The following ABCA12 variants were observed in gnomAD, a reference collection of about 807,000 sequenced individuals.
ABCA12 encodes the protein ATP binding cassette subfamily A member 12.
Under a neutral mutation model 293.5 loss-of-function variants are expected in ABCA12, and 156 were observed. The ratio of observed to expected loss-of-function variants is 0.53; its 90% CI spans 0.47 to 0.61. ABCA12 has a LOEUF of 0.61. Ranked by LOEUF, ABCA12 falls within the 20% of genes least tolerant of loss-of-function variation. The pLI is 0.00. For missense variants in ABCA12, 2,797 were observed against 3,090.2 expected (o/e 0.91, Z 2.25); for synonymous variants, 1,063 against 1,108.0 (o/e 0.96, Z 0.81).
intron 1 of ABCA12, among the ~76,000 whole-genome samples, chr2:215,124,968 A>T (rs569087495): frequency 2.0e-5 from 3 of 152,184 alleles, no homozygotes; most frequent in East Asian, 3.9e-4. Flanking sequence ...ATCCACCTTG[A>T]GTTGATTTTT....
chr2:215,031,369 C>T (rs4672743), intron 9 of ABCA12, among the ~76,000 whole-genome samples: 11,149 of 152,194 alleles, frequency 0.073, 602 homozygotes, highest in Admixed American at 0.16. Context: ...TCCCGAAATT[C>T]GTATGTTGAA....
chr2:215,084,477 G>T (rs13414595), intron 2 of ABCA12, among the ~76,000 whole-genome samples: 66,888 of 151,970 alleles, frequency 0.44, 16,372 homozygotes, highest in South Asian at 0.61. Context: ...CAAATCCAAA[G>T]ATATAAAACT....
At position 215,126,582 on chromosome 2, in the gene ABCA12, G is replaced by A. The variant is rs1478876569; in HGVS notation, c.69+11558C>T. ...ATCTCTTCTAGGTTTTCTAGTTTAT[G>A]TGCAGAAAGGTGTTCATAGTAGCCT... On this transcript the variant is annotated intron_variant, in intron 1 of 52. Coordinates refer to ENST00000272895, the MANE Select transcript of ABCA12 (RefSeq NM_173076.3). 2.6e-5 allele frequency among the ~76,000 whole-genome samples: 4 copies of A among 152,054 alleles called. No homozygotes were observed. In the East Asian group the frequency reaches 7.7e-4, roughly 29 times the overall value.
At chr2:214,966,174 G>A (rs557041894) in intron 39 of ABCA12, among the ~76,000 whole-genome samples, 1 of 152,308 alleles carries the variant, frequency 6.6e-6, no homozygotes, top group Admixed American at 6.5e-5. Context: ...TTATAAGTGG[G>A]AGCTGAATGG....
At chr2:214,989,011 T>C (rs1405916116) in intron 26 of ABCA12, among the ~76,000 whole-genome samples, 1 of 150,592 alleles carries the variant, frequency 6.6e-6, no homozygotes, top group Non-Finnish European at 1.5e-5. Flanking sequence ...AAACCCCGGC[T>C]CTATTAAAAA....
intron 23 of ABCA12, among the ~76,000 whole-genome samples, chr2:214,991,588 C>A (rs1480130645): frequency 6.6e-6 from 1 of 152,116 alleles, no homozygotes; most frequent in Non-Finnish European, 1.5e-5. Flanking sequence ...TTAAGGGAGA[C>A]CTCCTGCCTT....
At chr2:214,988,215 G>T (rs6744049) in intron 26 of ABCA12, among the ~76,000 whole-genome samples, 2,075 of 152,162 alleles carry the variant, frequency 0.014, 36 homozygotes, top group African/African-American at 0.047. Context: ...GGATAATTTT[G>T]CCACTTAGAA....
At chr2:215,111,570 G>T in intron 2 of ABCA12, 27 bp downstream of exon 2, 2 of 1,550,788 alleles carry the variant, frequency 1.3e-6, no homozygotes, top group Non-Finnish European at 1.8e-6. Context: ...CAAAAATTAA[G>T]GAAATAAACA....
intron 5 of ABCA12, among the ~76,000 whole-genome samples, chr2:215,052,188 C>T (rs994066215): frequency 6.6e-6 from 1 of 151,904 alleles, no homozygotes; most frequent in Admixed American, 6.6e-5. Context: ...TTTTTTCTTT[C>T]CTGCTTCAGA....
intron 50 of ABCA12, among the ~76,000 whole-genome samples, chr2:214,939,802 A>C (rs559016776): frequency 6.6e-6 from 1 of 152,174 alleles, no homozygotes; most frequent in African/African-American, 2.4e-5. Flanking sequence ...TGATTCTTGC[A>C]CATTGATTTT....
At chr2:214,999,025 A>C (rs1161662609) in intron 22 of ABCA12, among the ~76,000 whole-genome samples, 1 of 152,196 alleles carries the variant, frequency 6.6e-6, no homozygotes, top group Admixed American at 6.5e-5. Flanking sequence ...ACTATCATTC[A>C]GTATCACTTT....
intron 2 of ABCA12, among the ~76,000 whole-genome samples, chr2:215,084,034 G>A (rs1701992545): frequency 6.6e-6 from 1 of 151,958 alleles, no homozygotes; most frequent in Non-Finnish European, 1.5e-5. Context: ...CTGGAGTACA[G>A]TGACATGATC....
intron 6 of ABCA12, among the ~76,000 whole-genome samples, chr2:215,048,823 A>T (rs1445049669): frequency 6.6e-6 from 1 of 152,248 alleles, no homozygotes; most frequent in Non-Finnish European, 1.5e-5. Flanking sequence ...CTATGCAGCC[A>T]TAACAAAGAA....
At chr2:215,106,718 T>C (rs899438446) in intron 2 of ABCA12, among the ~76,000 whole-genome samples, 4 of 145,006 alleles carry the variant, frequency 2.8e-5, no homozygotes, top group African/African-American at 1.0e-4. Flanking sequence ...CTTGTATGCA[T>C]CCCTGAAGAT....
chr2:214,983,707 A>G lies in ABCA12; in HGVS notation c.4322T>C (p.Leu1441Pro). 1 of 1,614,126 alleles carries G rather than the reference A, an allele frequency of 6.2e-7. No homozygotes were observed. Among genetic ancestry groups the G allele is most frequent in the South Asian group, 1.1e-5 (1 of 91,084 alleles). ...GTGAGGAACTTTGATGGAACCATAT[A>G]GGAGAAGGTGCTCCTTAGTAGTGAG... ...SYLTTKEHLL[L>P]YGSIKVPHWT... Residue 1441 changes from leucine to proline, a missense_variant, in exon 29 of 53, where the codon CTA becomes CCA. By Grantham distance (98) the Leu-to-Pro change is moderately conservative. Transcript: ENST00000272895.
rs753712967 is a variant in ABCA12, at chr2:215,138,124, CT to C, written c.69+15del. ...TTGCCCCATGACCCATACTCCCACA[CT>C]TTTTTTTAACTCACCGGCTGCCTTT... On this transcript the variant is annotated intron_variant, in intron 1 of 52. Coordinates refer to ENST00000272895, the MANE Select transcript of ABCA12 (RefSeq NM_173076.3). 18 of 1,610,852 alleles carry C rather than the reference CT, an allele frequency of 1.1e-5. No homozygotes were observed. Among genetic ancestry groups the C allele is most frequent in the Non-Finnish European group, 1.4e-5 (17 of 1,177,460 alleles).
At chr2:214,933,892 A>G (rs1698139541) in intron 52 of ABCA12, among the ~76,000 whole-genome samples, 186 bp downstream of exon 52, 1 of 152,158 alleles carries the variant, frequency 6.6e-6, no homozygotes, top group Non-Finnish European at 1.5e-5. Context: ...TGTCTTTCAC[A>G]TCTATTTTTT....
chr2:215,011,401 T>C (rs1287005645), intron 17 of ABCA12, 38 bp downstream of exon 17: 1 of 1,454,322 alleles, frequency 6.9e-7, no homozygotes, highest in South Asian at 1.1e-5. Context: ...TTATTGTCAT[T>C]AAGGGCAACT....
chr2:214,997,212 G>C (rs1700054554), intron 23 of ABCA12, among the ~76,000 whole-genome samples: 1 of 152,084 alleles, frequency 6.6e-6, no homozygotes, highest in Non-Finnish European at 1.5e-5. Flanking sequence ...AATGGAGAAG[G>C]TAATTGAAGG....
Sources: gnomAD v4.1 joint callset for allele counts (sites outside exome capture counted in the v4.1 genomes callset) on GRCh38, gnomAD v4.1.1 for gene constraint, MANE v1.5 for transcripts, NCBI Gene and HGNC (gene_info 2026-07-23, HGNC 2026-07-21) for gene names.